The following B3GNT2 variants were observed in gnomAD, a reference collection of about 807,000 sequenced individuals.
The protein encoded by B3GNT2 is UDP-GlcNAc:betaGal beta-1,3-N-acetylglucosaminyltransferase 2.
In B3GNT2, 12 loss-of-function variants were observed where a neutral mutation model predicts 27.6. The ratio of observed to expected loss-of-function variants is 0.44; its 90% CI spans 0.28 to 0.71. The LOEUF (loss-of-function observed/expected upper bound fraction) is 0.71. Ranked by LOEUF, B3GNT2 falls within the 30% of genes least tolerant of loss-of-function variation. B3GNT2 has a pLI of 0.17. For missense variants in B3GNT2, 413 were observed against 488.5 expected (o/e 0.85, Z 1.46); for synonymous variants, 192 against 189.7 (o/e 1.01, Z -0.10).
intron 1 of B3GNT2, among the ~76,000 whole-genome samples, chr2:62,215,335 G>C (rs546516465): frequency 6.6e-6 from 1 of 152,174 alleles, no homozygotes; most frequent in Non-Finnish European, 1.5e-5. Flanking sequence ...CAGCCTCTTG[G>C]TGAGGGAGTC....
chr2:62,216,122 C>G, intron 1 of B3GNT2, among the ~76,000 whole-genome samples: 1 of 152,174 alleles, frequency 6.6e-6, no homozygotes, highest in East Asian at 1.9e-4. Flanking sequence ...TGGCCACATT[C>G]AAATGTTTTC....
At chr2:62,209,566 C>T (rs1279452019) in intron 1 of B3GNT2, among the ~76,000 whole-genome samples, 1 of 152,138 alleles carries the variant, frequency 6.6e-6, no homozygotes, top group Admixed American at 6.5e-5. Flanking sequence ...ATCACTTGAG[C>T]CCAGGAATTC....
chr2:62,198,898 G>A (rs1674208296), intron 1 of B3GNT2, among the ~76,000 whole-genome samples: 1 of 152,110 alleles, frequency 6.6e-6, no homozygotes, highest in African/African-American at 2.4e-5. Flanking sequence ...AAAAGAAAAG[G>A]TGAATCTTCT....
chr2:62,203,856 C>T (rs917087821), intron 1 of B3GNT2, among the ~76,000 whole-genome samples: 56 of 152,270 alleles, frequency 3.7e-4, no homozygotes, highest in African/African-American at 1.2e-3. Flanking sequence ...GTCTTTGTAG[C>T]TATGGCAACC....
At chr2:62,214,587 G>C (rs1006552022) in intron 1 of B3GNT2, among the ~76,000 whole-genome samples, 4 of 152,218 alleles carry the variant, frequency 2.6e-5, no homozygotes, top group African/African-American at 9.7e-5. Context: ...TTGAATGGAG[G>C]AGTTTGTAGA....
intron 1 of B3GNT2, among the ~76,000 whole-genome samples, chr2:62,201,866 A>G (rs1674271739): frequency 6.6e-6 from 1 of 152,220 alleles, no homozygotes; most frequent in Non-Finnish European, 1.5e-5. Flanking sequence ...AAAACAAAAT[A>G]TGGGCCTGCT....
chr2:62,197,097 TGGGGTGGGGC>T (rs1674163753), intron 1 of B3GNT2, among the ~76,000 whole-genome samples: 1 of 93,362 alleles, frequency 1.1e-5, no homozygotes, highest in South Asian at 4.3e-4. Context: ...GTCGTGGGGG[TGGGGTGGGGC>T]GGGGTGGGGT....
chr2:62,199,231 G>A (rs1048623005), intron 1 of B3GNT2, among the ~76,000 whole-genome samples: 1 of 152,184 alleles, frequency 6.6e-6, no homozygotes, highest in Non-Finnish European at 1.5e-5. Context: ...AAGCCACCGC[G>A]CCTGGCCTTA....
At chr2:62,213,759 A>T in intron 1 of B3GNT2, among the ~76,000 whole-genome samples, 1 of 152,230 alleles carries the variant, frequency 6.6e-6, no homozygotes, top group Non-Finnish European at 1.5e-5. Flanking sequence ...AATAAGTGAG[A>T]CAGTTTTCTA....
At chr2:62,208,532 G>T (rs1408694036) in intron 1 of B3GNT2, among the ~76,000 whole-genome samples, 1 of 152,138 alleles carries the variant, frequency 6.6e-6, no homozygotes, top group African/African-American at 2.4e-5. Flanking sequence ...GTCTTGAGGA[G>T]TGAGGCCTAG....
intron 1 of B3GNT2, among the ~76,000 whole-genome samples, chr2:62,221,505 AC>A (rs1674691661): frequency 1.3e-5 from 2 of 152,046 alleles, no homozygotes; most frequent in South Asian, 2.1e-4. Context: ...CAGGGTTGGG[AC>A]TAACATTAAA....
chr2:62,202,693 GC>G (rs1373766868), intron 1 of B3GNT2, among the ~76,000 whole-genome samples: 3 of 152,160 alleles, frequency 2.0e-5, no homozygotes, highest in Non-Finnish European at 2.9e-5. Context: ...CTTCCCATTT[GC>G]CCCCTACCAG....
intron 1 of B3GNT2, among the ~76,000 whole-genome samples, chr2:62,215,925 C>T (rs1268574829): frequency 6.6e-6 from 1 of 152,182 alleles, no homozygotes; most frequent in Admixed American, 6.5e-5. Flanking sequence ...GCTTTTCTTT[C>T]ATCCTTAATC....
chr2:62,197,946 T>G (rs960777048), intron 1 of B3GNT2, among the ~76,000 whole-genome samples: 1 of 152,270 alleles, frequency 6.6e-6, no homozygotes, highest in Non-Finnish European at 1.5e-5. Flanking sequence ...TCGGAGCCCA[T>G]GCGCTCTTAA....
At chr2:62,201,510 C>G (rs1460966871) in intron 1 of B3GNT2, among the ~76,000 whole-genome samples, 1 of 152,222 alleles carries the variant, frequency 6.6e-6, no homozygotes, top group Non-Finnish European at 1.5e-5. Context: ...TTGCTTCAGA[C>G]AAGCCACTTA....
chr2:62,202,152 C>G (rs1416039932), intron 1 of B3GNT2, among the ~76,000 whole-genome samples: 1 of 152,242 alleles, frequency 6.6e-6, no homozygotes, highest in Non-Finnish European at 1.5e-5. Flanking sequence ...TAGCACTGTG[C>G]TTGGCTGTGC....
chr2:62,202,862 C>T (rs1674295636), intron 1 of B3GNT2, among the ~76,000 whole-genome samples: 1 of 152,178 alleles, frequency 6.6e-6, no homozygotes, highest in African/African-American at 2.4e-5. Flanking sequence ...CCTCCTCCTC[C>T]TACCTCCCTT....
rs141434418 is a variant in B3GNT2, at chr2:62,216,637, C to G, written c.-9-5575C>G. On this transcript the variant is annotated intron_variant, in intron 1 of 1. Coordinates refer to ENST00000301998, the MANE Select transcript of B3GNT2 (RefSeq NM_006577.6). ...CAGGTTGGTCTCGAACTCCTGGGCT[C>G]AAGCAATCCTCTCACCCTGGCTTCC... 3.5e-3 allele frequency among the ~76,000 whole-genome samples: 528 copies of G among 152,218 alleles called. 5 individuals carry two copies. The highest frequency in any genetic ancestry group is 0.012 in the African/African-American group (499 of 41,510).
chr2:62,220,620 A>G (rs73934337), intron 1 of B3GNT2, among the ~76,000 whole-genome samples: 11,602 of 152,248 alleles, frequency 0.076, 1,501 homozygotes, highest in African/African-American at 0.26. Context: ...GGCATGGTAC[A>G]GACTTGGAAT....
Sources: gnomAD v4.1 joint callset for allele counts (sites outside exome capture counted in the v4.1 genomes callset) on GRCh38, gnomAD v4.1.1 for gene constraint, MANE v1.5 for transcripts, NCBI Gene and HGNC (gene_info 2026-07-23, HGNC 2026-07-21) for gene names.